OSBPL7: variants seen among roughly 807,000 people sequenced by gnomAD.
OSBPL7 encodes oxysterol-binding protein-related protein 7.
In OSBPL7, 66 loss-of-function variants were observed where a neutral mutation model predicts 115.8. That is an observed-to-expected ratio of 0.57 (90% CI 0.47 to 0.70). The LOEUF is 0.70. OSBPL7 is among the 30% of genes least tolerant of loss of function. OSBPL7 has a pLI of 0.00. For synonymous variants in OSBPL7, 441 were observed against 439.2 expected, an observed-to-expected ratio of 1.00 and a Z score of -0.05; for missense variants, 902 against 1,125.5, an observed-to-expected ratio of 0.80 and a Z score of 2.84.
chr17:47,809,248 AG>A, intron 19 of OSBPL7, 28 bp from the exon 20 acceptor site: 1 of 1,613,254 alleles, frequency 6.2e-7, no homozygotes, highest in Non-Finnish European at 8.5e-7. Context: ...GGGTTTAGGG[AG>A]GTGTCCCCTC....
Position 47,813,835 on chromosome 17 carries a change from C to T in OSBPL7, c.1352-1G>A. ...ATGGGTCTCCCTGGAACACACCCCCCTGGGGCCGCCCTGCCATGTCACTCT... is the reference window on the plus strand; with the variant it reads ...ATGGGTCTCCCTGGAACACACCCCCTTGGGGCCGCCCTGCCATGTCACTCT... On this transcript the variant is annotated splice_acceptor_variant, in intron 14 of 22. Coordinates refer to ENST00000007414, the MANE Select transcript of OSBPL7 (RefSeq NM_145798.3). LOFTEE classifies it high-confidence loss of function. 6.2e-7 allele frequency: 1 copy of T among 1,605,030 alleles called. No individual in the cohort carries two copies.
chr17:47,814,490 A>AC, intron 14 of OSBPL7, 31 bp downstream of exon 14: 3 of 334,276 alleles, frequency 9.0e-6, no homozygotes, highest in South Asian at 2.4e-5. Context: ...CCCGCCTCCC[A>AC]CCCCTCCCTG....
rs569817120 is a variant in OSBPL7 at position 47,808,141 on chromosome 17, C to T, written c.*150G>A. 110 of 629,218 alleles carry T rather than the reference C, an allele frequency of 1.7e-4. 2 individuals carry two copies. The South Asian group carries it at 2.0e-3, about 11-fold the overall frequency. The allele number at this position is 629,218 out of a possible 1,614,324, so 39.0% of individuals were successfully genotyped here. A position where few individuals can be genotyped will look rare whatever the true frequency, so the allele number is the denominator to read the frequency against. On this transcript the variant is annotated 3_prime_UTR_variant, in exon 23 of 23. Coordinates refer to ENST00000007414, the MANE Select transcript of OSBPL7 (RefSeq NM_145798.3). The surrounding 1 kb of genome is among the most constrained non-coding windows in gnomAD (Gnocchi z 6.1). ...TTGGGGGTGGGCTGAGATGCAGACC[C>T]TCTGGCCAGCAGAGGGGAGGGAGGG...
intron 4 of OSBPL7, chr17:47,819,393 AC>A (rs1339365770): frequency 2.1e-5 from 12 of 558,498 alleles, no homozygotes; most frequent in African/African-American, 1.7e-4. Context: ...GATCCTGGGT[AC>A]CCAGGCCTTC....
At chr17:47,815,150 C>T in intron 13 of OSBPL7, 65 bp downstream of exon 13, 2 of 1,561,218 alleles carry the variant, frequency 1.3e-6, no homozygotes, top group Non-Finnish European at 1.7e-6. Context: ...TCTCTGTGGA[C>T]CCCACCCTTC....
chr17:47,810,530 G>C (rs554402511), intron 18 of OSBPL7, 64 bp downstream of exon 18: 1 of 1,447,658 alleles, frequency 6.9e-7, no homozygotes, highest in Non-Finnish European at 9.7e-7. Context: ...CTAAGGCCAC[G>C]CCCCCTCCAG....
At chr17:47,815,559 C>T (rs950567538) in intron 12 of OSBPL7, 5 of 612,380 alleles carry the variant, frequency 8.2e-6, no homozygotes, top group African/African-American at 1.9e-5. Context: ...AGTGAGGGGA[C>T]GCAGGCTCCA....
intron 12 of OSBPL7, 191 bp downstream of exon 12, chr17:47,815,916 G>T (rs559062202): frequency 3.4e-5 from 18 of 535,772 alleles, no homozygotes; most frequent in Non-Finnish European, 5.3e-5. Context: ...AAAAGTAAAA[G>T]TACCCTGCAC....
Position 47,808,191 on chromosome 17 carries a change from G to C in OSBPL7, c.*100C>G. The stretch of plus-strand genomic sequence containing the variant: ...GCCAGGGCTGCCCCTTTGGTCTCAA[G>C]GGCAGTGAGGCGGGGAGCCCGGCCT... On this transcript the variant is annotated 3_prime_UTR_variant, in exon 23 of 23. Transcript: ENST00000007414. This position sits in a 1 kb window ranked among gnomAD's most constrained non-coding sequence, Gnocchi z 6.1. 1 of 904,870 alleles carries C rather than the reference G, an allele frequency of 1.1e-6. No individual in the cohort carries two copies. The highest frequency in any genetic ancestry group is 2.1e-5 in the Admixed American group (1 of 46,600). The allele number at this position is 904,870 out of a possible 1,614,324, so 56.1% of individuals were successfully genotyped here. A position where few individuals can be genotyped will look rare whatever the true frequency, so the allele number is the denominator to read the frequency against.
chr17:47,819,911 TG>T (rs965690065), intron 3 of OSBPL7, 59 bp downstream of exon 3: 69 of 1,557,608 alleles, frequency 4.4e-5, no homozygotes, highest in Non-Finnish European at 6.1e-5. Flanking sequence ...GCCCAGCAGC[TG>T]CCCCCCATTC....
intron 14 of OSBPL7, 142 bp from the exon 15 acceptor site, chr17:47,813,976 G>T: frequency 8.5e-7 from 1 of 1,182,312 alleles, no homozygotes; most frequent in African/African-American, 1.5e-5. Context: ...CTCACAGCAG[G>T]GCAGGGTGAC....
At chr17:47,814,228 C>T (rs2033140944) in intron 14 of OSBPL7, among the ~76,000 whole-genome samples, 1 of 152,222 alleles carries the variant, frequency 6.6e-6, no homozygotes, top group Non-Finnish European at 1.5e-5. Context: ...GGTCCAGAGC[C>T]ACACTGCTAA....
chr17:47,813,097 T>A (rs1474168983), intron 16 of OSBPL7, among the ~76,000 whole-genome samples, 169 bp downstream of exon 16: 1 of 152,200 alleles, frequency 6.6e-6, no homozygotes, highest in Admixed American at 6.5e-5. Flanking sequence ...TGGGATCCAA[T>A]GGCTGGACCT....
intron 12 of OSBPL7, chr17:47,815,560 G>T: frequency 1.6e-6 from 1 of 610,710 alleles, no homozygotes; most frequent in Non-Finnish European, 2.8e-6. Context: ...GTGAGGGGAC[G>T]CAGGCTCCAT....
intron 4 of OSBPL7, 44 bp from the exon 5 acceptor site, chr17:47,819,143 G>T: frequency 6.5e-7 from 1 of 1,533,850 alleles, no homozygotes; most frequent in Non-Finnish European, 9.0e-7. Context: ...CCTGTTTTAG[G>T]CTCTCAGAGC....
In OSBPL7 at chr17:47,808,430, T is replaced by G. The variant is rs1598009914; in HGVS notation, c.2421-31A>C. 1.2e-6 allele frequency: 2 copies of G among 1,613,570 alleles called. No individual in the cohort carries two copies. Among genetic ancestry groups the G allele is most frequent in the Non-Finnish European group, 1.7e-6 (2 of 1,179,724 alleles). On this transcript the variant is annotated intron_variant, in intron 22 of 22. Transcript: ENST00000007414. This position sits in a 1 kb window ranked among gnomAD's most constrained non-coding sequence, Gnocchi z 6.1. ...GGGAGAAGGCGGTGGCAGTGAGGGG[T>G]GAACATCTAGAAGGCAGGCTAGGGT...
At chr17:47,819,459 AT>A (rs2033330116) in intron 4 of OSBPL7, 1 of 580,692 alleles carries the variant, frequency 1.7e-6, no homozygotes, top group African/African-American at 1.9e-5. Context: ...TAAAGCCCCC[AT>A]TTCTTGGGCA....
At chr17:47,817,421 C>A (rs1202908302) in intron 7 of OSBPL7, 62 bp from the exon 8 acceptor site, 14 of 1,214,282 alleles carry the variant, frequency 1.2e-5, no homozygotes, top group Non-Finnish European at 1.5e-5. Context: ...CGGAGTTTTG[C>A]TCTTGTTGCC....
At position 47,815,250 on chromosome 17, in the gene OSBPL7, C is replaced by T; in HGVS notation, c.1222G>A (p.Glu408Lys). 6.2e-7 allele frequency: 1 copy of T among 1,613,838 alleles called. No homozygotes were observed. The highest frequency in any genetic ancestry group is 8.5e-7 in the Non-Finnish European group (1 of 1,179,916). The change falls in exon 13 of 23, where the codon GAG becomes AAG. Residue 408 changes from glutamate to lysine, a missense_variant. Coordinates refer to ENST00000007414, the MANE Select transcript of OSBPL7 (RefSeq NM_145798.3). ...GAAGAGCTGGCGGAGAGGAGAACCT[C>T]GCAGGCATCGAAGAACTCCGTGTGG... ...DSHTEFFDAC[E>K]VLLSASSSEN...
Sources: allele counts gnomAD v4.1 joint callset (sites outside exome capture counted in the v4.1 genomes callset), GRCh38; gene constraint gnomAD v4.1.1; non-coding constraint Gnocchi (gnomAD v3.1); transcripts MANE v1.5; gene names NCBI Gene and HGNC (gene_info 2026-07-23, HGNC 2026-07-21).